Variants in CNST observed in about 807,000 individuals in gnomAD.
The protein encoded by CNST is consortin.
In CNST, 39 loss-of-function variants were observed where a neutral mutation model predicts 72.4. That is an observed-to-expected ratio of 0.54 (90% confidence interval 0.42 to 0.70). CNST has a LOEUF of 0.70. CNST is among the 30% of genes least tolerant of loss of function. CNST has a pLI of 0.00. For synonymous variants in CNST, 332 were observed against 320.1 expected (o/e 1.04, Z -0.40); for missense variants, 871 against 868.5 (o/e 1.00, Z -0.04).
At position 246,665,732 on chromosome 1, in the gene CNST, G is replaced by T; in HGVS notation, c.2005G>T (p.Val669Phe). 1 of 1,613,366 alleles carries T rather than the reference G, an allele frequency of 6.2e-7. No individual in the cohort carries two copies. The highest frequency in any genetic ancestry group is 8.5e-7 in the Non-Finnish European group (1 of 1,180,030). The part of the protein sequence containing the change: ...EVGGGSCILL[V>F]LLCIATVFLS... ...TGGAGGTGGCTCCTGTATTTTGCTG[G>T]TCTTGCTGTGCATAGCAACGGTTTT... Residue 669 changes from valine (V) to phenylalanine (F), a missense_variant, in exon 11 of 11, where the codon GTC becomes TTC. By Grantham distance (50) the Val-to-Phe change is conservative. Transcript: ENST00000366513.
At chr1:246,575,435 A>G (rs1453744689) in intron 1 of CNST, among the ~76,000 whole-genome samples, 1 of 152,198 alleles carries the variant, frequency 6.6e-6, no homozygotes, top group Non-Finnish European at 1.5e-5. Context: ...ACCCCTTGAA[A>G]ACATGCTGAG....
intron 6 of CNST, among the ~76,000 whole-genome samples, chr1:246,635,666 G>A (rs569071503): frequency 2.6e-5 from 4 of 152,268 alleles, no homozygotes; most frequent in East Asian, 3.9e-4. Flanking sequence ...GTTGTCACGC[G>A]AGCATTTCCA....
intron 9 of CNST, among the ~76,000 whole-genome samples, chr1:246,655,418 G>A (rs1039278603): frequency 3.3e-5 from 5 of 152,168 alleles, no homozygotes; most frequent in East Asian, 3.9e-4. Context: ...CTGGCCCAGC[G>A]GTGACATGTT....
At chr1:246,612,211 G>C (rs542954985) in intron 2 of CNST, among the ~76,000 whole-genome samples, 1 of 152,156 alleles carries the variant, frequency 6.6e-6, no homozygotes, top group African/African-American at 2.4e-5. Context: ...GTATTTTTTT[G>C]TTTGTTTGAG....
intron 10 of CNST, 59 bp from the exon 11 acceptor site, chr1:246,665,641 C>T: frequency 7.4e-7 from 1 of 1,356,894 alleles, no homozygotes. Context: ...GAAAAGACAG[C>T]AGATGCTAAG....
rs61852404 is a variant in CNST, at chr1:246,626,438, C to T, written c.585+4804C>T. 2.1e-3 allele frequency among the ~76,000 whole-genome samples: 306 copies of T among 144,732 alleles called. 2 individuals are homozygous for T. Among genetic ancestry groups the T allele is most frequent in the South Asian group, 8.8e-3 (41 of 4,650 alleles). The allele number at this position is 144,732 out of a possible 152,430, so 94.9% of individuals were successfully genotyped here. ...CACTTCCTGGTGTTTTCATCCAATC[C>T]TGTAGGTTTGTCCTTTTTTTTTTTT... On this transcript the variant is annotated intron_variant, in intron 3 of 10. Coordinates refer to ENST00000366513, the MANE Select transcript of CNST (RefSeq NM_152609.3).
intron 1 of CNST, 24 bp downstream of exon 1, chr1:246,566,687 CA>C: frequency 2.5e-6 from 1 of 400,726 alleles, no homozygotes; most frequent in East Asian, 3.6e-5. Context: ...GAGCGGGATG[CA>C]GGGGACCCGC....
intron 2 of CNST, among the ~76,000 whole-genome samples, chr1:246,616,541 G>A (rs1247491230): frequency 1.3e-5 from 2 of 151,664 alleles, no homozygotes; most frequent in African/African-American, 4.8e-5. Context: ...CTGAGCAACA[G>A]AATGAGACTT....
intron 6 of CNST, among the ~76,000 whole-genome samples, chr1:246,641,287 A>C (rs1665673544): frequency 6.6e-6 from 1 of 152,186 alleles, no homozygotes; most frequent in East Asian, 1.9e-4. Context: ...GTGTGCCTTT[A>C]ATGGATATGT....
chr1:246,649,589 A>G (rs1666337521), intron 9 of CNST, among the ~76,000 whole-genome samples: 1 of 152,024 alleles, frequency 6.6e-6, no homozygotes, highest in East Asian at 1.9e-4. Flanking sequence ...ATGTGGTCTA[A>G]TTTTACCTTT....
At chr1:246,649,826 T>C (rs1363386188) in intron 9 of CNST, among the ~76,000 whole-genome samples, 1 of 150,288 alleles carries the variant, frequency 6.7e-6, no homozygotes, top group Non-Finnish European at 1.5e-5. Context: ...TAAATTTCTA[T>C]CATCTAGTTT....
intron 2 of CNST, among the ~76,000 whole-genome samples, chr1:246,610,873 C>T (rs889224900): frequency 6.6e-6 from 1 of 152,104 alleles, no homozygotes; most frequent in Non-Finnish European, 1.5e-5. Flanking sequence ...CCCAAGGAAG[C>T]GATCTTCCTG....
At chr1:246,577,160 A>G (rs1660486089) in intron 1 of CNST, among the ~76,000 whole-genome samples, 1 of 152,078 alleles carries the variant, frequency 6.6e-6, no homozygotes, top group Non-Finnish European at 1.5e-5. Context: ...TAAAGGAATT[A>G]TTCAGGTGAA....
Position 246,665,936 on chromosome 1 carries a change from G to A in CNST, c.*31G>A. 1 of 1,479,248 alleles carries A rather than the reference G, an allele frequency of 6.8e-7. No individual in the cohort carries two copies. Among genetic ancestry groups the A allele is most frequent in the Non-Finnish European group, 9.4e-7 (1 of 1,062,140 alleles). The allele number at this position is 1,479,248 out of a possible 1,614,324, so 91.6% of individuals were successfully genotyped here. ...TTCCAGACACAGACATGCTGGCAGT[G>A]AGAGTGAAAGGCGGGAGACTTTCTA... is the stretch of plus-strand genomic sequence containing the variant. On this transcript the variant is annotated 3_prime_UTR_variant, in exon 11 of 11. Coordinates refer to ENST00000366513, the MANE Select transcript of CNST (RefSeq NM_152609.3).
chr1:246,646,632 C>G (rs562838960), intron 8 of CNST, among the ~76,000 whole-genome samples: 1 of 152,200 alleles, frequency 6.6e-6, no homozygotes, highest in Non-Finnish European at 1.5e-5. Flanking sequence ...AGGCATGTGC[C>G]ACCACGCCCA....
intron 4 of CNST, among the ~76,000 whole-genome samples, chr1:246,633,353 G>A (rs1213557720): frequency 2.6e-5 from 4 of 152,044 alleles, no homozygotes; most frequent in African/African-American, 9.7e-5. Flanking sequence ...GGAGGCTGAG[G>A]CAGGAGAATC....
chr1:246,568,012 C>T (rs142719072), intron 1 of CNST, among the ~76,000 whole-genome samples: 72 of 152,038 alleles, frequency 4.7e-4, no homozygotes, highest in African/African-American at 1.7e-3. Context: ...AAAAAAAACA[C>T]TGTGGTGGCT....
intron 3 of CNST, among the ~76,000 whole-genome samples, chr1:246,631,537 TAAAC>T (rs767997241): frequency 6.6e-6 from 1 of 152,248 alleles, no homozygotes; most frequent in Admixed American, 6.5e-5. Flanking sequence ...TAATTTACAA[TAAAC>T]AATCATTTTT....
intron 2 of CNST, among the ~76,000 whole-genome samples, chr1:246,604,909 C>T (rs773793186): frequency 1.2e-4 from 18 of 152,170 alleles, no homozygotes; most frequent in Non-Finnish European, 2.4e-4. Context: ...CCTCATGATT[C>T]GCCTGCCTCG....
Sources: allele counts gnomAD v4.1 joint callset (sites outside exome capture counted in the v4.1 genomes callset), GRCh38; gene constraint gnomAD v4.1.1; transcripts MANE v1.5; gene names NCBI Gene and HGNC (gene_info 2026-07-23, HGNC 2026-07-21).